Variants in USP34 observed in about 807,000 individuals in gnomAD.
USP34 encodes the protein ubiquitin carboxyl-terminal hydrolase 34.
USP34 carries 70 observed loss-of-function variants against 460.3 expected under a neutral mutation model. The ratio of observed to expected loss-of-function variants is 0.15; its 90% confidence interval spans 0.13 to 0.19. The LOEUF (loss-of-function observed/expected upper bound fraction) is 0.19. USP34 is among the 10% of genes least tolerant of loss of function. The pLI is 1.00. For missense variants in USP34, 3,985 were observed against 4,236.2 expected, an observed-to-expected ratio of 0.94 and a Z score of 1.65; for synonymous variants, 1,647 against 1,405.3, an observed-to-expected ratio of 1.17 and a Z score of -3.85.
chr2:61,441,662 G>A (rs185161897), intron 1 of USP34, among the ~76,000 whole-genome samples: 296 of 151,904 alleles, frequency 1.9e-3, no homozygotes, highest in Non-Finnish European at 3.5e-3. Flanking sequence ...AAATTAACCA[G>A]GCATCTTGAT....
chr2:61,277,237 CT>C (rs11351343), intron 41 of USP34, among the ~76,000 whole-genome samples: 50,355 of 137,940 alleles, frequency 0.37, 8,490 homozygotes, highest in Non-Finnish European at 0.42. Context: ...TATAGGTTAC[CT>C]TTTTTTTTTT....
chr2:61,194,417 T>C (rs139835592), intron 75 of USP34, among the ~76,000 whole-genome samples: 1 of 152,352 alleles, frequency 6.6e-6, no homozygotes, highest in East Asian at 1.9e-4. Context: ...CTCATCAAAG[T>C]AGAGGAAGGG....
chr2:61,361,678 A>T (rs1202352825), intron 10 of USP34, among the ~76,000 whole-genome samples: 1 of 152,214 alleles, frequency 6.6e-6, no homozygotes, highest in East Asian at 1.9e-4. Flanking sequence ...TAAAAACTTC[A>T]AAGTACATTT....
intron 78 of USP34, 162 bp from the exon 79 acceptor site, chr2:61,189,231 G>A (rs113183256): frequency 0.028 from 19,607 of 688,462 alleles, 407 homozygotes; most frequent in South Asian, 0.056. Flanking sequence ...GAAAGCCAGT[G>A]TTAAGATACT....
At chr2:61,211,670 C>A in intron 69 of USP34, 102 bp downstream of exon 69, 1 of 1,269,080 alleles carries the variant, frequency 7.9e-7, no homozygotes, top group Non-Finnish European at 1.0e-6. Flanking sequence ...TGGCTACATG[C>A]ACAAATGCTT....
At chr2:61,190,453 C>G in intron 77 of USP34, 39 bp from the exon 78 acceptor site, 1 of 1,602,476 alleles carries the variant, frequency 6.2e-7, no homozygotes. Flanking sequence ...AAAAGACCAG[C>G]ATAATGAAAC....
chr2:61,431,168 T>G (rs1007472585), intron 1 of USP34, among the ~76,000 whole-genome samples: 14 of 152,176 alleles, frequency 9.2e-5, no homozygotes, highest in Non-Finnish European at 1.9e-4. Flanking sequence ...TTCTAGTGTT[T>G]TATAGTACTG....
At chr2:61,413,167 G>A (rs538356121) in intron 2 of USP34, among the ~76,000 whole-genome samples, 5 of 152,094 alleles carry the variant, frequency 3.3e-5, no homozygotes, top group South Asian at 4.2e-4. Flanking sequence ...AGGCTGAGGC[G>A]GGCAGATCAG....
chr2:61,421,171 G>A (rs1176338162), intron 1 of USP34, among the ~76,000 whole-genome samples: 1 of 152,098 alleles, frequency 6.6e-6, no homozygotes, highest in African/African-American at 2.4e-5. Flanking sequence ...TTGTTCTCCA[G>A]TGCCTATAGG....
At chr2:61,374,954 C>T (rs1166472754) in intron 8 of USP34, among the ~76,000 whole-genome samples, 2 of 152,086 alleles carry the variant, frequency 1.3e-5, no homozygotes, top group Non-Finnish European at 2.9e-5. Context: ...ACCAATTTGA[C>T]CTAATAGACA....
At chr2:61,341,349 A>G (rs1189428904) in intron 16 of USP34, among the ~76,000 whole-genome samples, 1 of 152,208 alleles carries the variant, frequency 6.6e-6, no homozygotes, top group Admixed American at 6.5e-5. Flanking sequence ...GTAGGTATAT[A>G]TTTAACTTTG....
chr2:61,313,780 C>T (rs1187464267), intron 25 of USP34, among the ~76,000 whole-genome samples: 1 of 151,952 alleles, frequency 6.6e-6, no homozygotes, highest in African/African-American at 2.4e-5. Flanking sequence ...ATCATGGAAG[C>T]ATGTTATTTA....
At chr2:61,295,447 T>C (rs549258371) in intron 30 of USP34, among the ~76,000 whole-genome samples, 157 bp from the exon 31 acceptor site, 2 of 152,270 alleles carry the variant, frequency 1.3e-5, no homozygotes, top group East Asian at 1.9e-4. Context: ...CTGGCACAAA[T>C]GGTATGCTTA....
At chr2:61,358,663 G>C (rs1441743194) in intron 10 of USP34, among the ~76,000 whole-genome samples, 1 of 152,088 alleles carries the variant, frequency 6.6e-6, no homozygotes, top group Non-Finnish European at 1.5e-5. Flanking sequence ...AATGAGAAAG[G>C]AAGATGTAAA....
chr2:61,346,735 A>G (rs1314927443), intron 15 of USP34, among the ~76,000 whole-genome samples: 1 of 148,306 alleles, frequency 6.7e-6, no homozygotes. Flanking sequence ...AGTAGGCTGA[A>G]GCAGAAGAAT....
At chr2:61,302,051 G>A (rs971071809) in intron 27 of USP34, among the ~76,000 whole-genome samples, 1 of 152,104 alleles carries the variant, frequency 6.6e-6, no homozygotes, top group Non-Finnish European at 1.5e-5. Context: ...CAAGGGCAGA[G>A]GTGTTTTATT....
At chr2:61,278,538 A>G in intron 39 of USP34, 95 bp from the exon 40 acceptor site, 2 of 968,680 alleles carry the variant, frequency 2.1e-6, no homozygotes, top group Non-Finnish European at 3.0e-6. Context: ...GGTAACAATA[A>G]TTTAGTTCTC....
Position 61,283,402 on chromosome 2 carries a change from C to T in USP34, c.4873+7G>A, listed in dbSNP as rs762981425. 2 of 1,602,764 alleles carry T rather than the reference C, an allele frequency of 1.2e-6. No individual in the cohort carries two copies. Among genetic ancestry groups the T allele is most frequent in the Non-Finnish European group, 1.7e-6 (2 of 1,176,084 alleles). ...TTTATTAAAAGTTAACTTTGTGGAA[C>T]CCTTACCTTCATGTCTAGACCTGTG... On this transcript the variant is annotated splice_region_variant and intron_variant, in intron 36 of 79. Transcript: ENST00000398571.
chr2:61,251,532 G>A (rs1558491674), intron 48 of USP34, among the ~76,000 whole-genome samples: 1 of 152,152 alleles, frequency 6.6e-6, no homozygotes, highest in South Asian at 2.1e-4. Context: ...CGAAACTATT[G>A]TTGCTTTTGC....
Sources: allele counts gnomAD v4.1 joint callset (sites outside exome capture counted in the v4.1 genomes callset), GRCh38; gene constraint gnomAD v4.1.1; transcripts MANE v1.5; gene names NCBI Gene and HGNC (gene_info 2026-07-23, HGNC 2026-07-21).